Variants in NFAM1 observed in about 807,000 individuals in gnomAD.
The protein encoded by NFAM1 is NFAT activating protein with ITAM motif 1.
A neutral mutation model predicts 29.0 loss-of-function variants in NFAM1; 17 were observed. That is an observed-to-expected ratio of 0.59 (90% CI 0.40 to 0.88). The LOEUF (loss-of-function observed/expected upper bound fraction) is 0.88, where lower values mean the gene tolerates loss of function less well. Among genes scored for constraint, NFAM1 ranks in the 40% least tolerant of loss-of-function variants. The pLI, the probability that NFAM1 is intolerant of heterozygous loss-of-function variation, is 0.00. For missense variants in NFAM1, 324 were observed against 344.6 expected, an observed-to-expected ratio of 0.94 and a Z score of 0.47; for synonymous variants, 175 against 147.2, an observed-to-expected ratio of 1.19 and a Z score of -1.36.
intron 4 of NFAM1, among the ~76,000 whole-genome samples, chr22:42,395,902 GA>G (rs1352277386): frequency 7.3e-4 from 107 of 147,360 alleles, no homozygotes; most frequent in African/African-American, 2.6e-3. Flanking sequence ...AAAAAAGAAA[GA>G]AAAGAAGAAA....
At chr22:42,423,484 G>A (rs939804461) in intron 1 of NFAM1, among the ~76,000 whole-genome samples, 3 of 152,144 alleles carry the variant, frequency 2.0e-5, no homozygotes, top group Non-Finnish European at 4.4e-5. Flanking sequence ...GGAGGCCAAG[G>A]TGGGAGGATT....
At chr22:42,429,364 C>T (rs1182537912) in intron 1 of NFAM1, among the ~76,000 whole-genome samples, 1 of 152,130 alleles carries the variant, frequency 6.6e-6, no homozygotes, top group Non-Finnish European at 1.5e-5. Context: ...GCCTGTAATC[C>T]CAGCACTTTG....
At position 42,409,059 on chromosome 22, in the gene NFAM1, G is replaced by A. The variant is rs1158375806; in HGVS notation, c.564+376C>T. On this transcript the variant is annotated intron_variant, in intron 3 of 5. Coordinates refer to ENST00000329021, the MANE Select transcript of NFAM1 (RefSeq NM_145912.8). The surrounding 1 kb of genome is among the most constrained non-coding windows in gnomAD (Gnocchi z 4.9). The stretch of plus-strand genomic sequence containing the variant: ...GGTGTGTGGGAGAGCACCTGTGTGA[G>A]TGGCTGGTAGCCCCTTCATCCCTTC... Among the ~76,000 whole-genome samples, 1 of 152,166 alleles carries A rather than the reference G, an allele frequency of 6.6e-6. No individual in the cohort carries two copies. Among genetic ancestry groups the A allele is most frequent in the African/African-American group, 2.4e-5 (1 of 41,442 alleles).
At chr22:42,430,115 A>C (rs1930748078) in intron 1 of NFAM1, among the ~76,000 whole-genome samples, 1 of 151,610 alleles carries the variant, frequency 6.6e-6, no homozygotes, top group South Asian at 2.1e-4. Context: ...AATTTAAAAA[A>C]TAGCTGGGTG....
Position 42,411,518 on chromosome 22 carries a change from A to C in NFAM1, c.340T>G (p.Cys114Gly), listed in dbSNP as rs544754182. 175 of 1,614,228 alleles carry C rather than the reference A, an allele frequency of 1.1e-4. 1 individual carries two copies. The South Asian group carries it at 1.8e-3, about 17-fold the overall frequency. The change falls in exon 2 of 6, where the codon TGC becomes GGC. Residue 114 changes from cysteine to glycine, a missense_variant. Physicochemically the swap from Cys to Gly is radical, Grantham distance 159. Transcript: ENST00000329021. Reference protein sequence around the residue: ...GTENQSHTLDCQVTLVLPGAS... With the variant: ...GTENQSHTLDGQVTLVLPGAS... ...CCCGGCAGCACAAGGGTGACCTGGCAGTCCAGGGTGTGGCTCTGGTTCTCT... is the reference window on the plus strand; with the variant it reads ...CCCGGCAGCACAAGGGTGACCTGGCCGTCCAGGGTGTGGCTCTGGTTCTCT...
intron 1 of NFAM1, among the ~76,000 whole-genome samples, chr22:42,425,529 A>C (rs1930595320): frequency 2.0e-5 from 3 of 150,290 alleles, no homozygotes; most frequent in African/African-American, 7.4e-5. Context: ...TTACCCTTCC[A>C]CTTCCTCCAC....
chr22:42,386,641 G>A (rs188936363), intron 5 of NFAM1, among the ~76,000 whole-genome samples: 5 of 152,256 alleles, frequency 3.3e-5, no homozygotes, highest in Admixed American at 1.3e-4. Flanking sequence ...TAGTTACAGT[G>A]GCTCATAGTG....
rs141385945 is a variant in NFAM1 at position 42,402,176 on chromosome 22, C to T, written c.565-4220G>A. Among the ~76,000 whole-genome samples the T allele has an allele frequency of 1.9e-3, 293 of 152,268 alleles. 1 individual carries two copies. Among genetic ancestry groups the T allele is most frequent in the African/African-American group, 6.6e-3 (274 of 41,558 alleles). On this transcript the variant is annotated intron_variant, in intron 3 of 5. Transcript: ENST00000329021. ...GAAGCCCCGGGGAAGGGGCTGGATC[C>T]GGGACAGACTGAGTGCAGGGCTTGC... is the stretch of plus-strand genomic sequence containing the variant.
chr22:42,437,394 C>T (rs996799132), upstream of NFAM1, among the ~76,000 whole-genome samples: 2 of 152,098 alleles, frequency 1.3e-5, no homozygotes, highest in African/African-American at 2.4e-5. Flanking sequence ...CTGCCCGCCT[C>T]GGTCTCCCAA....
chr22:42,437,488 G>C, the NFAM1 span, among the ~76,000 whole-genome samples: 1 of 152,118 alleles, frequency 6.6e-6, no homozygotes, highest in Non-Finnish European at 1.5e-5. Context: ...CCAAGGTTCT[G>C]GGAGGCTCGG....
intron 2 of NFAM1, among the ~76,000 whole-genome samples, chr22:42,410,877 G>A (rs1347808894): frequency 6.6e-6 from 1 of 152,146 alleles, no homozygotes; most frequent in African/African-American, 2.4e-5. Context: ...GCGTTCAGGA[G>A]CAGATCTGCA....
At chr22:42,390,419 T>C (rs573137228) in intron 4 of NFAM1, among the ~76,000 whole-genome samples, 8 of 151,756 alleles carry the variant, frequency 5.3e-5, no homozygotes, top group African/African-American at 1.5e-4. Flanking sequence ...AGAAGGAAGA[T>C]AGGGAGGTTG....
intron 1 of NFAM1, among the ~76,000 whole-genome samples, chr22:42,422,400 G>A (rs893360392): frequency 1.3e-5 from 2 of 151,824 alleles, no homozygotes; most frequent in African/African-American, 4.8e-5. Context: ...GAGGTCAGTA[G>A]TTCGAGACCA....
At chr22:42,420,457 G>A (rs1436862711) in intron 1 of NFAM1, among the ~76,000 whole-genome samples, 1 of 152,024 alleles carries the variant, frequency 6.6e-6, no homozygotes, top group Non-Finnish European at 1.5e-5. Context: ...GGGTGACAAA[G>A]AGAGACCCTC....
chr22:42,401,580 C>T (rs949285097), intron 3 of NFAM1, among the ~76,000 whole-genome samples: 22 of 152,126 alleles, frequency 1.4e-4, no homozygotes, highest in African/African-American at 5.1e-4. Flanking sequence ...TTCTTGAAAA[C>T]TCACATTACA....
intron 3 of NFAM1, among the ~76,000 whole-genome samples, chr22:42,399,837 C>T (rs961623051): frequency 9.2e-5 from 14 of 152,236 alleles, no homozygotes; most frequent in Admixed American, 2.6e-4. Flanking sequence ...CCCTGGCCTC[C>T]TGCCAAACCC....
At chr22:42,406,344 T>C (rs7293115) in intron 3 of NFAM1, among the ~76,000 whole-genome samples, 4,264 of 152,266 alleles carry the variant, frequency 0.028, 203 homozygotes, top group African/African-American at 0.099. Flanking sequence ...TGTCCCTCAC[T>C]CAGACAGAGG....
chr22:42,402,472 C>T (rs2147101055), intron 3 of NFAM1, among the ~76,000 whole-genome samples: 2 of 152,298 alleles, frequency 1.3e-5, no homozygotes, highest in South Asian at 4.1e-4. Context: ...CGCGGAAGGG[C>T]TCGGAGGAAG....
In NFAM1 at chr22:42,432,274, AAGG is replaced by A. The variant is rs1273519780; in HGVS notation, c.81_83del (p.Leu28del). 1.3e-6 allele frequency: 2 copies of A among 1,573,068 alleles called. No individual in the cohort carries two copies. The highest frequency in any genetic ancestry group is 1.7e-6 in the Non-Finnish European group (2 of 1,158,812). On this transcript the variant is annotated inframe_deletion, in exon 1 of 6. Transcript: ENST00000329021. ...GGGTCCCGGGCAGCAGCAGCACGCCAAGGAGGAGCCAGGGGGCTGCGGGGAGCC... is the reference window on the plus strand; with the variant it reads ...GGGTCCCGGGCAGCAGCAGCACGCCAAGGAGCCAGGGGGCTGCGGGGAGCC...
Sources: gnomAD v4.1 joint callset for allele counts (sites outside exome capture counted in the v4.1 genomes callset) on GRCh38, gnomAD v4.1.1 for gene constraint, Gnocchi (gnomAD v3.1) non-coding constraint, MANE v1.5 for transcripts, NCBI Gene and HGNC (gene_info 2026-07-23, HGNC 2026-07-21) for gene names.